The following AUTS2 variants were observed in gnomAD, a reference collection of about 807,000 sequenced individuals.
AUTS2 encodes the protein activator of transcription and developmental regulator AUTS2.
In AUTS2, 17 loss-of-function variants were observed where a neutral mutation model predicts 112.4. The ratio of observed to expected loss-of-function variants is 0.15; its 90% CI spans 0.10 to 0.23. The LOEUF (loss-of-function observed/expected upper bound fraction) is 0.23, where lower values mean the gene tolerates loss of function less well. AUTS2 is among the 10% of genes least tolerant of loss of function. The probability of loss-of-function intolerance (pLI) is 1.00; values close to 1 mark genes in which losing one functional copy is unlikely to be tolerated. For synonymous variants in AUTS2, 751 were observed against 702.7 expected (o/e 1.07, Z -1.09); for missense variants, 1,510 against 1,701.6 (o/e 0.89, Z 1.98).
At chr7:70,282,588 C>T (rs1055582065) in intron 4 of AUTS2, among the ~76,000 whole-genome samples, 11 of 152,162 alleles carry the variant, frequency 7.2e-5, no homozygotes, top group African/African-American at 2.7e-4. Flanking sequence ...GACCTAACCA[C>T]CTCCACTAAA....
chr7:69,902,640 A>AT (rs1042730279), intron 2 of AUTS2, among the ~76,000 whole-genome samples: 16 of 151,724 alleles, frequency 1.1e-4, no homozygotes, highest in East Asian at 5.8e-4. Flanking sequence ...AAAGAATAGG[A>AT]TTTTTTTTTC....
chr7:70,008,108 CTA>C (rs541729728), intron 2 of AUTS2, among the ~76,000 whole-genome samples: 184 of 152,132 alleles, frequency 1.2e-3, no homozygotes, highest in Non-Finnish European at 2.3e-3. Flanking sequence ...TATATTAACT[CTA>C]TGTTGTGTTT....
At chr7:70,345,779 G>A (rs141192774) in intron 4 of AUTS2, among the ~76,000 whole-genome samples, 9 of 152,268 alleles carry the variant, frequency 5.9e-5, no homozygotes, top group East Asian at 1.9e-4. Context: ...AGAAGCCATC[G>A]TTTGATCCAG....
intron 1 of AUTS2, among the ~76,000 whole-genome samples, chr7:69,786,516 G>A (rs1486041388): frequency 1.3e-5 from 2 of 152,168 alleles, no homozygotes; most frequent in South Asian, 2.1e-4. Context: ...ACCCGCTTGG[G>A]TCCTCTTCCA....
intron 1 of AUTS2, among the ~76,000 whole-genome samples, chr7:69,600,315 C>T (rs1378036389): frequency 6.6e-6 from 1 of 152,060 alleles, no homozygotes; most frequent in Non-Finnish European, 1.5e-5. Flanking sequence ...TCCTCTCCCT[C>T]CCCAATCATG....
chr7:69,876,325 CAAAAAAAAAAA>C (rs1167965776), intron 1 of AUTS2, among the ~76,000 whole-genome samples: 8 of 26,168 alleles, frequency 3.1e-4, no homozygotes, highest in Non-Finnish European at 3.9e-4. Flanking sequence ...GACTCTGTCT[CAAAAAAAAAAA>C]AAAAAAAAAA....
intron 1 of AUTS2, among the ~76,000 whole-genome samples, chr7:69,855,799 T>G (rs531812929): frequency 6.6e-6 from 1 of 152,282 alleles, no homozygotes; most frequent in South Asian, 2.1e-4. Context: ...GGCTAAGAAT[T>G]ATCAACTCTT....
At chr7:70,493,527 T>C (rs1399931401) in intron 5 of AUTS2, among the ~76,000 whole-genome samples, 2 of 152,176 alleles carry the variant, frequency 1.3e-5, no homozygotes, top group Non-Finnish European at 2.9e-5. Flanking sequence ...AATTTCTTTA[T>C]GTTCTAGGTG....
Position 70,290,247 on chromosome 7 carries a change from A to T in AUTS2, c.661-145505A>T, listed in dbSNP as rs1010924530. ...ATGTTTTTCTGTGTAAAGGAGAAAT[A>T]ATTTCCCAATTTTATAAAACAAATT... On this transcript the variant is annotated intron_variant, in intron 4 of 18. Coordinates refer to ENST00000342771, the MANE Select transcript of AUTS2 (RefSeq NM_015570.4). 11 of 1,084,842 alleles carry T rather than the reference A, an allele frequency of 1.0e-5. No individual in the cohort carries two copies. In the African/African-American group the frequency reaches 1.5e-4, roughly 15 times the overall value. The allele number at this position is 1,084,842 out of a possible 1,614,324, so 67.2% of individuals were successfully genotyped here.
At chr7:69,611,343 A>T (rs1793022905) in intron 1 of AUTS2, among the ~76,000 whole-genome samples, 1 of 152,128 alleles carries the variant, frequency 6.6e-6, no homozygotes, top group Admixed American at 6.5e-5. Flanking sequence ...GGTGAGATGC[A>T]GGGGGATAAT....
At chr7:70,678,014 G>A (rs907985701) in intron 5 of AUTS2, among the ~76,000 whole-genome samples, 11 of 151,944 alleles carry the variant, frequency 7.2e-5, no homozygotes, top group Admixed American at 2.0e-4. Flanking sequence ...CCCGGGAGGC[G>A]GAGCTTGCAG....
intron 1 of AUTS2, among the ~76,000 whole-genome samples, chr7:69,848,346 G>C (rs952538802): frequency 6.6e-6 from 1 of 152,164 alleles, no homozygotes; most frequent in Admixed American, 6.5e-5. Context: ...TAAATCAGCC[G>C]CAGCTTGCTT....
intron 5 of AUTS2, among the ~76,000 whole-genome samples, chr7:70,548,120 C>T (rs1266916940): frequency 6.6e-6 from 1 of 152,096 alleles, no homozygotes; most frequent in Non-Finnish European, 1.5e-5. Context: ...TATACATTTT[C>T]ATATCACCTT....
chr7:70,784,915 C>T (rs757802107), intron 15 of AUTS2, 27 bp from the exon 16 acceptor site: 4 of 1,612,484 alleles, frequency 2.5e-6, no homozygotes, highest in Non-Finnish European at 2.5e-6. Flanking sequence ...TTTGTAAACT[C>T]TGGTTTCGTT....
At chr7:70,531,030 G>A (rs527932598) in intron 5 of AUTS2, among the ~76,000 whole-genome samples, 51 of 152,318 alleles carry the variant, frequency 3.3e-4, no homozygotes, top group African/African-American at 1.2e-3. Flanking sequence ...ACAGACTTGA[G>A]CAGCTGTGAC....
chr7:69,621,354 ACT>A (rs1267775930), intron 1 of AUTS2, among the ~76,000 whole-genome samples: 3 of 151,590 alleles, frequency 2.0e-5, no homozygotes, highest in African/African-American at 7.3e-5. Flanking sequence ...TGGGACTTTC[ACT>A]CTTTTTTCTA....
intron 5 of AUTS2, among the ~76,000 whole-genome samples, chr7:70,655,246 T>C (rs1217378191): frequency 6.6e-6 from 1 of 152,230 alleles, no homozygotes; most frequent in East Asian, 1.9e-4. Flanking sequence ...TTGGGCCCTC[T>C]CCAGTCCTTG....
intron 4 of AUTS2, among the ~76,000 whole-genome samples, chr7:70,373,097 T>C (rs1161435343): frequency 6.6e-6 from 1 of 151,870 alleles, no homozygotes; most frequent in Non-Finnish European, 1.5e-5. Flanking sequence ...ATCACGTGAA[T>C]AATTTATGGA....
chr7:70,582,356 A>G (rs1459122102), intron 5 of AUTS2, among the ~76,000 whole-genome samples: 1 of 152,118 alleles, frequency 6.6e-6, no homozygotes, highest in Non-Finnish European at 1.5e-5. Context: ...AAAGCATCCC[A>G]TATTTCAGGC....
Sources: gnomAD v4.1 joint callset for allele counts (sites outside exome capture counted in the v4.1 genomes callset) on GRCh38, gnomAD v4.1.1 for gene constraint, MANE v1.5 for transcripts, NCBI Gene and HGNC (gene_info 2026-07-23, HGNC 2026-07-21) for gene names.